Variants in WDFY4 observed in about 807,000 individuals in gnomAD.
WDFY4 encodes WDFY family member 4.
Under a neutral mutation model 351.9 loss-of-function variants are expected in WDFY4, and 169 were observed. The observed-to-expected ratio is 0.48, with a 90% CI of 0.42 to 0.55. WDFY4 has a LOEUF of 0.55. Among genes scored for constraint, WDFY4 ranks in the 20% least tolerant of loss-of-function variants. The probability of loss-of-function intolerance (pLI) is 0.00; values close to 1 mark genes in which losing one functional copy is unlikely to be tolerated. For missense variants in WDFY4, 3,803 were observed against 3,935.6 expected (o/e 0.97, Z 0.90); for synonymous variants, 1,622 against 1,574.6 (o/e 1.03, Z -0.71).
At chr10:48,901,687 A>G (rs1207041665) in intron 46 of WDFY4, 114 bp from the exon 47 acceptor site, 2 of 1,144,284 alleles carry the variant, frequency 1.7e-6, no homozygotes, top group Non-Finnish European at 2.6e-6. Flanking sequence ...GGCAGGATGG[A>G]GCGAGGGGGA....
intron 47 of WDFY4, among the ~76,000 whole-genome samples, chr10:48,903,390 G>A (rs2377654): frequency 0.29 from 43,807 of 152,114 alleles, 7,566 homozygotes; most frequent in East Asian, 0.7. Flanking sequence ...GACTGGAGTG[G>A]GTCAAAGGCA....
chr10:48,700,652 A>G (rs1038223718), intron 1 of WDFY4, among the ~76,000 whole-genome samples: 2 of 152,212 alleles, frequency 1.3e-5, no homozygotes, highest in African/African-American at 2.4e-5. Context: ...CAAACGCACC[A>G]TGCCTCCATC....
chr10:48,685,661 A>G (rs916343233), intron 1 of WDFY4, among the ~76,000 whole-genome samples: 18 of 152,216 alleles, frequency 1.2e-4, no homozygotes, highest in Admixed American at 7.9e-4. Context: ...TTCCCCTGAA[A>G]TGAAACTTCT....
chr10:48,828,614 T>C (rs2068082275), intron 36 of WDFY4, among the ~76,000 whole-genome samples, 164 bp from the exon 37 acceptor site: 1 of 152,176 alleles, frequency 6.6e-6, no homozygotes, highest in Admixed American at 6.5e-5. Context: ...ATATCTGCTG[T>C]GGAATTTCTT....
At chr10:48,922,961 A>G (rs1242685445) in intron 47 of WDFY4, among the ~76,000 whole-genome samples, 1 of 152,222 alleles carries the variant, frequency 6.6e-6, no homozygotes, top group Non-Finnish European at 1.5e-5. Flanking sequence ...CCTGACAGTG[A>G]TGGTGGTTAC....
At chr10:48,893,428 G>A (rs1836915042) in intron 44 of WDFY4, among the ~76,000 whole-genome samples, 1 of 152,212 alleles carries the variant, frequency 6.6e-6, no homozygotes, top group Non-Finnish European at 1.5e-5. Flanking sequence ...AGCTCACAAG[G>A]CAGAGAATTT....
intron 39 of WDFY4, among the ~76,000 whole-genome samples, chr10:48,837,750 G>T (rs1564404400): frequency 6.6e-6 from 1 of 152,156 alleles, no homozygotes; most frequent in Non-Finnish European, 1.5e-5. Context: ...GTGACTTCCA[G>T]CCCTTAAAGG....
chr10:48,912,018 A>G (rs959134227), intron 47 of WDFY4, among the ~76,000 whole-genome samples: 1 of 152,190 alleles, frequency 6.6e-6, no homozygotes, highest in African/African-American at 2.4e-5. Context: ...CTCATCATCC[A>G]CTCAGCAAAC....
At chr10:48,854,669 C>T (rs117560689) in intron 39 of WDFY4, among the ~76,000 whole-genome samples, 42 of 152,306 alleles carry the variant, frequency 2.8e-4, no homozygotes, top group East Asian at 1.7e-3. Flanking sequence ...TGGATTTCTG[C>T]GCTTTCTGCT....
Position 48,790,788 on chromosome 10 carries a change from C to T in WDFY4, c.4128C>T (p.Ala1376=). 7 of 1,551,812 alleles carry T rather than the reference C, an allele frequency of 4.5e-6. No individual in the cohort carries two copies. The highest frequency in any genetic ancestry group is 6.1e-6 in the Non-Finnish European group (7 of 1,147,018). ...ASSLDFIGGP[A]ILLGLISLAT... ...GCCTGGACTTCATTGGCGGGCCTGCCATCCTCCTGGGCCTCATCTCCTTAG... is the reference window on the plus strand; with the variant it reads ...GCCTGGACTTCATTGGCGGGCCTGCTATCCTCCTGGGCCTCATCTCCTTAG... The change falls in exon 23 of 62, where the codon GCC becomes GCT. Residue 1376 remains alanine (A), a synonymous_variant. Coordinates refer to ENST00000325239, the MANE Select transcript of WDFY4 (RefSeq NM_001394531.1).
At chr10:48,957,328 C>T (rs1436549501) in intron 52 of WDFY4, 46 bp downstream of exon 52, 2 of 1,535,910 alleles carry the variant, frequency 1.3e-6, no homozygotes, top group Non-Finnish European at 1.8e-6. Context: ...TTGCAGGGTG[C>T]TCTTTCCCAC....
At chr10:48,770,697 G>A (rs2065836517) in intron 13 of WDFY4, among the ~76,000 whole-genome samples, 1 of 152,226 alleles carries the variant, frequency 6.6e-6, no homozygotes, top group Non-Finnish European at 1.5e-5. Flanking sequence ...GATTTCCATG[G>A]GGAAGAGTGA....
intron 43 of WDFY4, among the ~76,000 whole-genome samples, chr10:48,883,288 T>C (rs531464102): frequency 1.3e-5 from 2 of 152,266 alleles, no homozygotes; most frequent in African/African-American, 4.8e-5. Flanking sequence ...ACCACTATGG[T>C]TTTGTGTCAA....
intron 2 of WDFY4, among the ~76,000 whole-genome samples, chr10:48,712,325 C>T (rs1378386974): frequency 3.3e-5 from 5 of 152,178 alleles, no homozygotes; most frequent in Non-Finnish European, 7.3e-5. Context: ...ACATTATTCC[C>T]ATTACTTTTC....
At chr10:48,722,496 G>A (rs17781278) in intron 4 of WDFY4, among the ~76,000 whole-genome samples, 17,200 of 152,192 alleles carry the variant, frequency 0.11, 1,122 homozygotes, top group South Asian at 0.25. Flanking sequence ...CCAAGGCTAG[G>A]ACCAGCAGCC....
At chr10:48,957,760 C>T (rs1353768245) in intron 52 of WDFY4, among the ~76,000 whole-genome samples, 2 of 152,216 alleles carry the variant, frequency 1.3e-5, no homozygotes, top group African/African-American at 4.8e-5. Context: ...TGGACGGGCA[C>T]TTATGGCAGC....
At chr10:48,892,526 T>A (rs1292341060) in intron 44 of WDFY4, among the ~76,000 whole-genome samples, 3 of 152,208 alleles carry the variant, frequency 2.0e-5, no homozygotes, top group Non-Finnish European at 4.4e-5. Context: ...CAGTGCTTTC[T>A]CTCCAGGGTC....
At chr10:48,761,304 C>A (rs1216232377) in intron 13 of WDFY4, among the ~76,000 whole-genome samples, 1 of 152,162 alleles carries the variant, frequency 6.6e-6, no homozygotes, top group Non-Finnish European at 1.5e-5. Flanking sequence ...AAGCCTCTCT[C>A]ACGTGAGTGG....
intron 24 of WDFY4, among the ~76,000 whole-genome samples, chr10:48,799,061 C>T (rs974740891): frequency 6.6e-6 from 1 of 152,176 alleles, no homozygotes; most frequent in African/African-American, 2.4e-5. Flanking sequence ...CATGCTCAGC[C>T]AGTCTGGCTC....
Sources: allele counts gnomAD v4.1 joint callset (sites outside exome capture counted in the v4.1 genomes callset), GRCh38; gene constraint gnomAD v4.1.1; transcripts MANE v1.5; gene names NCBI Gene and HGNC (gene_info 2026-07-23, HGNC 2026-07-21).